MAP3K4: variants seen among roughly 807,000 people sequenced by gnomAD.
MAP3K4 encodes MAP three kinase 1.
A neutral mutation model predicts 185.6 loss-of-function variants in MAP3K4; 67 were observed. That is an observed-to-expected ratio of 0.36 (90% CI 0.30 to 0.44). MAP3K4 has a LOEUF of 0.44. Among genes scored for constraint, MAP3K4 ranks in the 20% least tolerant of loss-of-function variants. The pLI is 1.00. For missense variants in MAP3K4, 1,551 were observed against 1,995.1 expected, an observed-to-expected ratio of 0.78 and a Z score of 4.24; for synonymous variants, 702 against 710.4, an observed-to-expected ratio of 0.99 and a Z score of 0.19.
rs1192136194 is a variant in MAP3K4, at chr6:161,091,822, A to G, written c.3136-188A>G. Among the ~76,000 whole-genome samples, 1 of 152,242 alleles carries G rather than the reference A, an allele frequency of 6.6e-6. No homozygotes were observed. The highest frequency in any genetic ancestry group is 1.5e-5 in the Non-Finnish European group (1 of 68,042). ...ACATTCTTAATTTAAACTCAGGAGT[A>G]AAACATTTATGAAACTGCATTTTGA... On this transcript the variant is annotated intron_variant, in intron 12 of 26. Transcript: ENST00000392142. This position sits in a 1 kb window ranked among gnomAD's most constrained non-coding sequence, Gnocchi z 5.5.
At position 161,103,606 on chromosome 6, in the gene MAP3K4, A is replaced by G. The variant is rs986055806; in HGVS notation, c.3856+827A>G. Among the ~76,000 whole-genome samples, 3 of 152,210 alleles carry G rather than the reference A, an allele frequency of 2.0e-5. No homozygotes were observed. Among genetic ancestry groups the G allele is most frequent in the Non-Finnish European group, 4.4e-5 (3 of 68,038 alleles). On this transcript the variant is annotated intron_variant, in intron 19 of 26. Coordinates refer to ENST00000392142, the MANE Select transcript of MAP3K4 (RefSeq NM_005922.4). This position sits in a 1 kb window ranked among gnomAD's most constrained non-coding sequence, Gnocchi z 4.6. ...AGAAACTGGAGAGTGAGGGGAGATC[A>G]GATCATGGACAGCCATCAGTGACTG...
chr6:161,040,223 T>C (rs1410434201), intron 2 of MAP3K4, among the ~76,000 whole-genome samples: 1 of 152,202 alleles, frequency 6.6e-6, no homozygotes, highest in African/African-American at 2.4e-5. Flanking sequence ...AAGGAGAATA[T>C]AGTTGGGGAT....
rs9458112 is a variant in MAP3K4, at chr6:161,075,879, A to C, written c.2097+2267A>C. 0.017 allele frequency among the ~76,000 whole-genome samples: 2,616 copies of C among 152,338 alleles called. 45 individuals are homozygous for C. Among genetic ancestry groups the C allele is most frequent in the African/African-American group, 0.04 (1,651 of 41,570 alleles). ...AAATTATGGCCTATAATGTGCTAGA[A>C]GGATCAGGGCAAAGGTGTGTTCTGA... On this transcript the variant is annotated intron_variant, in intron 5 of 26. Coordinates refer to ENST00000392142, the MANE Select transcript of MAP3K4 (RefSeq NM_005922.4). This position sits in a 1 kb window ranked among gnomAD's most constrained non-coding sequence, Gnocchi z 4.3.
chr6:161,015,669 G>A (rs1477922130), intron 1 of MAP3K4, among the ~76,000 whole-genome samples: 1 of 152,138 alleles, frequency 6.6e-6, no homozygotes, highest in East Asian at 1.9e-4. Context: ...AGATCATGTG[G>A]CACGGAGGAA....
intron 3 of MAP3K4, among the ~76,000 whole-genome samples, chr6:161,066,037 T>A (rs1479895144): frequency 1.3e-5 from 2 of 152,052 alleles, no homozygotes. Context: ...TTTTGGAGCA[T>A]TTCAGATTTT....
chr6:161,023,543 T>G (rs1782500786), intron 1 of MAP3K4, among the ~76,000 whole-genome samples: 1 of 152,254 alleles, frequency 6.6e-6, no homozygotes, highest in African/African-American at 2.4e-5. Context: ...TTATGGCAGT[T>G]GATCAGACTC....
Position 161,097,237 on chromosome 6 carries a change from C to G in MAP3K4, c.3524+61C>G. On this transcript the variant is annotated intron_variant, in intron 16 of 26. Coordinates refer to ENST00000392142, the MANE Select transcript of MAP3K4 (RefSeq NM_005922.4). This position sits in a 1 kb window ranked among gnomAD's most constrained non-coding sequence, Gnocchi z 4.9. The stretch of plus-strand genomic sequence containing the variant: ...GTGCCCTCCGATATGCATGCTCATA[C>G]TTTTGAAACTACTAGATGCTTGCTC... 2 of 1,364,874 alleles carry G rather than the reference C, an allele frequency of 1.5e-6. No homozygotes were observed. Among genetic ancestry groups the G allele is most frequent in the Non-Finnish European group, 2.1e-6 (2 of 955,722 alleles). The allele number at this position is 1,364,874 out of a possible 1,614,324, so 84.5% of individuals were successfully genotyped here. A position where few individuals can be genotyped will look rare whatever the true frequency, so the allele number is the denominator to read the frequency against.
At position 161,007,102 on chromosome 6, in the gene MAP3K4, G is replaced by A. The variant is rs1781624244; in HGVS notation, c.152+15019G>A. On this transcript the variant is annotated intron_variant, in intron 1 of 26. Transcript: ENST00000392142. This position sits in a 1 kb window ranked among gnomAD's most constrained non-coding sequence, Gnocchi z 4.5. ...AGCAAGGTCCAAAGCGCAGGACCAG[G>A]AATTGTACTCATTGTTGTGTCCCCA... Among the ~76,000 whole-genome samples the A allele has an allele frequency of 6.6e-6, 1 of 152,174 alleles. No homozygotes were observed. The highest frequency in any genetic ancestry group is 1.5e-5 in the Non-Finnish European group (1 of 68,026).
In MAP3K4 at chr6:161,098,439, C is replaced by T. The variant is rs767213723; in HGVS notation, c.3674+12C>T. The T allele has an allele frequency of 1.8e-5, 29 of 1,609,822 alleles. No homozygotes were observed. The South Asian group carries it at 3.2e-4, about 18-fold the overall frequency. ...GCCCATGATACCAGGTAGTCTCACC[C>T]CACCAGTGTCCCGTACCCTCACCAC... On this transcript the variant is annotated intron_variant, in intron 17 of 26. Transcript: ENST00000392142. This position sits in a 1 kb window ranked among gnomAD's most constrained non-coding sequence, Gnocchi z 4.4.
At chr6:161,090,399 G>A (rs1785970048) in intron 11 of MAP3K4, among the ~76,000 whole-genome samples, 1 of 151,692 alleles carries the variant, frequency 6.6e-6, no homozygotes, top group Admixed American at 6.6e-5. Context: ...TGGACGTTTG[G>A]GCCCGTAACT....
At chr6:161,042,943 T>C (rs1279557146) in intron 2 of MAP3K4, among the ~76,000 whole-genome samples, 1 of 148,344 alleles carries the variant, frequency 6.7e-6, no homozygotes, top group Non-Finnish European at 1.5e-5. Context: ...CACACACACA[T>C]CCCTGTTAGG....
chr6:161,016,678 C>A (rs1782130398), intron 1 of MAP3K4, among the ~76,000 whole-genome samples: 1 of 152,212 alleles, frequency 6.6e-6, no homozygotes, highest in African/African-American at 2.4e-5. Flanking sequence ...TGGACTCTCT[C>A]AGTTCTGTTC....
intron 1 of MAP3K4, among the ~76,000 whole-genome samples, chr6:161,018,196 G>A (rs896953503): frequency 1.3e-5 from 2 of 152,108 alleles, no homozygotes; most frequent in African/African-American, 4.8e-5. Flanking sequence ...TGAGGCAGTT[G>A]GAAGTTGAGG....
At position 161,071,421 on chromosome 6, in the gene MAP3K4, TAA is replaced by T. The variant is rs1328441557; in HGVS notation, c.1950+572_1950+573del. On this transcript the variant is annotated intron_variant, in intron 4 of 26. Transcript: ENST00000392142. The surrounding 1 kb of genome is among the most constrained non-coding windows in gnomAD (Gnocchi z 4.6). Reference sequence around the variant, plus strand: ...GGTCTGTATTTATTATTTATGATATTAACATATTGATATTCACCATATAAAGT... The same window carrying T: ...GGTCTGTATTTATTATTTATGATATTCATATTGATATTCACCATATAAAGT... 6.6e-6 allele frequency among the ~76,000 whole-genome samples: 1 copy of T among 152,204 alleles called. No individual in the cohort carries two copies. The highest frequency in any genetic ancestry group is 1.5e-5 in the Non-Finnish European group (1 of 68,044).
At chr6:161,055,078 G>A (rs1336764166) in intron 3 of MAP3K4, among the ~76,000 whole-genome samples, 1 of 152,136 alleles carries the variant, frequency 6.6e-6, no homozygotes, top group South Asian at 2.1e-4. Context: ...TTGGGTCTTA[G>A]GGATGAATGT....
At chr6:161,002,039 A>G (rs1781344825) in intron 1 of MAP3K4, among the ~76,000 whole-genome samples, 1 of 151,474 alleles carries the variant, frequency 6.6e-6, no homozygotes, top group South Asian at 2.1e-4. Context: ...AGCCATAGAA[A>G]TAAGAAAAAG....
intron 3 of MAP3K4, among the ~76,000 whole-genome samples, chr6:161,059,786 A>C (rs1022331837): frequency 1.3e-5 from 2 of 150,532 alleles, no homozygotes; most frequent in Non-Finnish European, 3.0e-5. Flanking sequence ...ACTTTGAATC[A>C]GTTTGCAAAT....
At position 161,098,106 on chromosome 6, in the gene MAP3K4, A is replaced by T; in HGVS notation, c.3525-172A>T. 1 of 758,142 alleles carries T rather than the reference A, an allele frequency of 1.3e-6. No individual in the cohort carries two copies. Among genetic ancestry groups the T allele is most frequent in the Non-Finnish European group, 2.1e-6 (1 of 475,796 alleles). 47.0% of individuals were successfully genotyped at this position (758,142 alleles called of 1,614,324 possible). On this transcript the variant is annotated intron_variant, in intron 16 of 26. Coordinates refer to ENST00000392142, the MANE Select transcript of MAP3K4 (RefSeq NM_005922.4). The surrounding 1 kb of genome is among the most constrained non-coding windows in gnomAD (Gnocchi z 4.4). ...TGTCTCAAAAAAAAGAAAAGCTTTG[A>T]AGTTAGGTTTTTTCTTTTTTACACC...
intron 3 of MAP3K4, among the ~76,000 whole-genome samples, chr6:161,058,859 T>A (rs1211381063): frequency 6.6e-6 from 1 of 152,166 alleles, no homozygotes; most frequent in African/African-American, 2.4e-5. Flanking sequence ...TATTTCACTC[T>A]TGATGGAAAT....
Sources: gnomAD v4.1 joint callset for allele counts (sites outside exome capture counted in the v4.1 genomes callset) on GRCh38, gnomAD v4.1.1 for gene constraint, Gnocchi (gnomAD v3.1) non-coding constraint, MANE v1.5 for transcripts, NCBI Gene and HGNC (gene_info 2026-07-23, HGNC 2026-07-21) for gene names.